FHIT: variants seen among roughly 807,000 people sequenced by gnomAD.
FHIT encodes fragile histidine triad diadenosine triphosphatase.
A neutral mutation model predicts 17.9 loss-of-function variants in FHIT; 19 were observed. The observed-to-expected ratio is 1.06, with a 90% CI of 0.74 to 1.56. FHIT has a LOEUF of 1.56. Ranked by LOEUF, FHIT falls within the 40% of genes most tolerant of loss-of-function variation. The probability of loss-of-function intolerance (pLI) is 0.00; values close to 1 mark genes in which losing one functional copy is unlikely to be tolerated. For missense variants in FHIT, 248 were observed against 189.2 expected (o/e 1.31, Z -1.82); for synonymous variants, 81 against 69.7 (o/e 1.16, Z -0.81).
intron 2 of FHIT, among the ~76,000 whole-genome samples, chr3:61,150,643 T>C (rs1404376995): frequency 6.6e-6 from 1 of 152,018 alleles, no homozygotes; most frequent in African/African-American, 2.4e-5. Flanking sequence ...TAGCTTAAAG[T>C]ATCTTTTGCA....
At chr3:60,077,701 CA>C in intron 5 of FHIT, among the ~76,000 whole-genome samples, 1 of 102,614 alleles carries the variant, frequency 9.7e-6, no homozygotes, top group Non-Finnish European at 2.0e-5. Context: ...CACACACACA[CA>C]CACACACACA....
chr3:59,860,582 A>G (rs1481165359), intron 8 of FHIT, among the ~76,000 whole-genome samples: 1 of 152,190 alleles, frequency 6.6e-6, no homozygotes, highest in Non-Finnish European at 1.5e-5. Flanking sequence ...TTATTTGTTT[A>G]CCTTGTTTGT....
chr3:60,334,469 T>C (rs372624618), intron 5 of FHIT, among the ~76,000 whole-genome samples: 1 of 152,210 alleles, frequency 6.6e-6, no homozygotes, highest in Admixed American at 6.5e-5. Context: ...ATTGCAGTAC[T>C]TGGGTTGAGT....
intron 4 of FHIT, among the ~76,000 whole-genome samples, chr3:60,633,875 T>C (rs2039510889): frequency 6.6e-6 from 1 of 152,144 alleles, no homozygotes; most frequent in Admixed American, 6.5e-5. Context: ...CAGGGAAAGG[T>C]TTCAGACCCA....
intron 3 of FHIT, among the ~76,000 whole-genome samples, chr3:60,946,653 T>C (rs1394197068): frequency 6.6e-6 from 1 of 151,246 alleles, no homozygotes; most frequent in East Asian, 1.9e-4. Flanking sequence ...TGTAGAAGAG[T>C]TTTATGGCAT....
At chr3:60,095,639 A>T (rs1703914154) in intron 5 of FHIT, among the ~76,000 whole-genome samples, 1 of 152,218 alleles carries the variant, frequency 6.6e-6, no homozygotes, top group Non-Finnish European at 1.5e-5. Context: ...AAGGGACTGA[A>T]TCCGGTTCTC....
chr3:59,923,575 C>T (rs1001238433), intron 7 of FHIT, among the ~76,000 whole-genome samples: 1 of 152,094 alleles, frequency 6.6e-6, no homozygotes, highest in South Asian at 2.1e-4. Context: ...TCCAAATAGC[C>T]TCTATTGTAC....
intron 4 of FHIT, among the ~76,000 whole-genome samples, chr3:60,786,507 C>T (rs782216048): frequency 6.6e-6 from 1 of 152,186 alleles, no homozygotes; most frequent in Non-Finnish European, 1.5e-5. Context: ...AGTTATTTCA[C>T]CCTACCTGAG....
At chr3:61,025,943 T>G (rs569791996) in intron 3 of FHIT, among the ~76,000 whole-genome samples, 2 of 152,224 alleles carry the variant, frequency 1.3e-5, no homozygotes, top group Non-Finnish European at 2.9e-5. Context: ...AAGTATATGT[T>G]GATGTTTACC....
At chr3:59,874,401 T>A (rs1703059157) in intron 8 of FHIT, among the ~76,000 whole-genome samples, 1 of 152,210 alleles carries the variant, frequency 6.6e-6, no homozygotes, top group African/African-American at 2.4e-5. Context: ...GTTTCAGAAT[T>A]CCCTGGAGTG....
intron 3 of FHIT, among the ~76,000 whole-genome samples, chr3:61,013,100 C>G (rs1198619196): frequency 6.6e-6 from 1 of 152,030 alleles, no homozygotes; most frequent in East Asian, 1.9e-4. Flanking sequence ...CTTTGCAACT[C>G]TTTAAACTTA....
chr3:60,957,171 A>T (rs1338550813), intron 3 of FHIT, among the ~76,000 whole-genome samples: 1 of 151,994 alleles, frequency 6.6e-6, no homozygotes, highest in Admixed American at 6.6e-5. Flanking sequence ...AAAACAAAGA[A>T]ATCACACAAA....
At chr3:60,552,942 G>A (rs1406367808) in intron 4 of FHIT, among the ~76,000 whole-genome samples, 1 of 152,152 alleles carries the variant, frequency 6.6e-6, no homozygotes, top group Non-Finnish European at 1.5e-5. Flanking sequence ...AAAGGTGCAT[G>A]TGAGATTAAG....
At chr3:60,554,805 G>A (rs1353055212) in intron 4 of FHIT, among the ~76,000 whole-genome samples, 2 of 152,184 alleles carry the variant, frequency 1.3e-5, no homozygotes, top group East Asian at 3.9e-4. Context: ...TTCTGCATAT[G>A]AGAGAAATTA....
intron 3 of FHIT, among the ~76,000 whole-genome samples, chr3:60,898,654 A>G (rs1464248531): frequency 1.3e-5 from 2 of 152,220 alleles, no homozygotes; most frequent in Non-Finnish European, 2.9e-5. Context: ...CTGTCTATTG[A>G]AATGTCCTAA....
intron 3 of FHIT, among the ~76,000 whole-genome samples, chr3:60,993,489 C>T (rs1415499886): frequency 6.7e-6 from 1 of 149,040 alleles, no homozygotes; most frequent in Non-Finnish European, 1.5e-5. Context: ...ACTGACTGTC[C>T]CTGATGGTAG....
At chr3:60,598,462 G>C (rs2038340307) in intron 4 of FHIT, among the ~76,000 whole-genome samples, 1 of 152,098 alleles carries the variant, frequency 6.6e-6, no homozygotes, top group Admixed American at 6.6e-5. Flanking sequence ...CAATTAATTT[G>C]TGTTGAGTGT....
intron 5 of FHIT, among the ~76,000 whole-genome samples, chr3:60,030,794 T>C (rs191489012): frequency 1.3e-4 from 20 of 152,272 alleles, no homozygotes; most frequent in Admixed American, 1.2e-3. Context: ...TCTAAGGGAA[T>C]GACTATTAGA....
rs148315566 is a variant in FHIT, at chr3:60,423,813, C to A, written c.103+113047G>T. On this transcript the variant is annotated intron_variant, in intron 5 of 9. Transcript: ENST00000492590. ...CAGGGCAGGATGAGGAAATACAGTG[C>A]CCCTAGCTAACTTCTTGCAGCAAAT... Among the ~76,000 whole-genome samples the A allele has an allele frequency of 5.9e-3, 892 of 152,190 alleles. 4 individuals are homozygous for A. The highest frequency in any genetic ancestry group is 0.017 in the Middle Eastern group (5 of 294).
Sources: gnomAD v4.1 joint callset for allele counts (sites outside exome capture counted in the v4.1 genomes callset) on GRCh38, gnomAD v4.1.1 for gene constraint, MANE v1.5 for transcripts, NCBI Gene and HGNC (gene_info 2026-07-23, HGNC 2026-07-21) for gene names.